The following DEFB119 variants were observed in gnomAD, a reference collection of about 807,000 sequenced individuals.
DEFB119 encodes beta-defensin 119.
Under a neutral mutation model 2.5 loss-of-function variants are expected in DEFB119, and 3 were observed. The ratio of observed to expected loss-of-function variants is 1.19; its 90% CI spans 0.54 to 3.07. The LOEUF (loss-of-function observed/expected upper bound fraction) is 3.07, where lower values mean the gene tolerates loss of function less well. DEFB119 is among the 30% of genes most tolerant of loss of function. The pLI is 0.03. For synonymous variants in DEFB119, 29 were observed against 33.7 expected (o/e 0.86, Z 0.48); for missense variants, 113 against 101.1 (o/e 1.12, Z -0.50).
chr20:31,389,066 T>G, intron 1 of DEFB119: 1 of 1,614,194 alleles, frequency 6.2e-7, no homozygotes, highest in East Asian at 2.2e-5. Flanking sequence ...GGAGCTGTTG[T>G]GGACATCTGA....
intron 1 of DEFB119, chr20:31,388,919 C>T: frequency 6.6e-7 from 1 of 1,522,964 alleles, no homozygotes. Context: ...ATCCCCCCAC[C>T]CTCAATCCAT....
chr20:31,388,354 G>T, intron 1 of DEFB119: 1 of 964,550 alleles, frequency 1.0e-6, no homozygotes, highest in Non-Finnish European at 1.2e-6. Context: ...CATCCTTACT[G>T]CAATCCTGAA....
chr20:31,388,931 T>C, intron 1 of DEFB119: 8 of 1,534,866 alleles, frequency 5.2e-6, no homozygotes, highest in Middle Eastern at 2.1e-4. Context: ...TCAATCCATT[T>C]GAAGTATCAT....
intron 1 of DEFB119, among the ~76,000 whole-genome samples, chr20:31,383,039 T>C (rs1986558540): frequency 6.6e-6 from 1 of 152,134 alleles, no homozygotes; most frequent in Non-Finnish European, 1.5e-5. Flanking sequence ...GAGAAAGAAA[T>C]GTTGAGTGCT....
intron 1 of DEFB119, among the ~76,000 whole-genome samples, chr20:31,382,253 AT>A (rs1392350016): frequency 2.0e-5 from 3 of 152,198 alleles, no homozygotes; most frequent in Non-Finnish European, 2.9e-5. Flanking sequence ...AAAAGTAAAA[AT>A]ATCAATAAAT....
intron 1 of DEFB119, chr20:31,388,032 T>C (rs1159613721): frequency 5.1e-6 from 5 of 985,052 alleles, no homozygotes; most frequent in African/African-American, 1.7e-5. Context: ...CTGGCCTCAC[T>C]GCAGAGGACG....
intron 1 of DEFB119, among the ~76,000 whole-genome samples, chr20:31,387,480 T>C (rs946948049): frequency 2.6e-5 from 4 of 152,160 alleles, no homozygotes; most frequent in African/African-American, 9.7e-5. Context: ...ATTTACGAGA[T>C]AGCCCTTCAT....
chr20:31,386,295 C>A (rs546976331), intron 1 of DEFB119, among the ~76,000 whole-genome samples: 7 of 152,220 alleles, frequency 4.6e-5, no homozygotes, highest in African/African-American at 1.7e-4. Context: ...CACCCCGGGC[C>A]TCGGGGCACA....
rs539118665 is a variant in DEFB119 at position 31,385,374 on chromosome 20, CAA to C, written c.61+5047_61+5048del. On this transcript the variant is annotated intron_variant, in intron 1 of 1. Coordinates refer to ENST00000376321, the MANE Select transcript of DEFB119 (RefSeq NM_153289.4). ...AAGAAACAAGACAAATAACAAAAGA[CAA>C]AAAAAAAAAAAAAAAACACAGTTTG... 6.4e-3 allele frequency among the ~76,000 whole-genome samples: 743 copies of C among 115,746 alleles called. 3 individuals are homozygous for C. Among genetic ancestry groups the C allele is most frequent in the African/African-American group, 0.018 (524 of 29,720 alleles). 75.9% of individuals were successfully genotyped at this position (115,746 alleles called of 152,430 possible).
At chr20:31,389,449 C>A (rs572778611) in intron 1 of DEFB119, among the ~76,000 whole-genome samples, 12 of 152,060 alleles carry the variant, frequency 7.9e-5, no homozygotes, top group Non-Finnish European at 1.5e-4. Context: ...TTTGGGAGAG[C>A]CTTTTTTGGA....
At chr20:31,390,385 G>A in intron 1 of DEFB119, 38 bp downstream of exon 1, 1 of 1,585,790 alleles carries the variant, frequency 6.3e-7, no homozygotes, top group Non-Finnish European at 8.6e-7. Flanking sequence ...GGAAGCCCAT[G>A]ACCAGGAACC....
chr20:31,388,848 C>T (rs1175076728), intron 1 of DEFB119: 3 of 1,146,064 alleles, frequency 2.6e-6, no homozygotes, highest in Admixed American at 2.5e-5. Flanking sequence ...GTAATGATCA[C>T]ACCATCGCTA....
intron 1 of DEFB119, among the ~76,000 whole-genome samples, chr20:31,378,582 G>T (rs1370898268): frequency 6.6e-6 from 1 of 152,150 alleles, no homozygotes; most frequent in Non-Finnish European, 1.5e-5. Context: ...TGTATCTATA[G>T]TTCATTCCTT....
chr20:31,390,464 A>G lies in DEFB119; in HGVS notation c.20T>C (p.Phe7Ser). ...TTCTATGGCCAGAAGGATGGCAAGAAACAGGTAAAGAAGTTTCATGGCTGG... is the reference window on the plus strand; with the variant it reads ...TTCTATGGCCAGAAGGATGGCAAGAGACAGGTAAAGAAGTTTCATGGCTGG... MKLLYLFLAILLAIEEP... is the reference protein window; with the variant it reads MKLLYLSLAILLAIEEP... Residue 7 changes from phenylalanine to serine, a missense_variant, in exon 1 of 2, where the codon TTT becomes TCT. Transcript: ENST00000376321. 6.2e-7 allele frequency: 1 copy of G among 1,613,200 alleles called. No individual in the cohort carries two copies. Among genetic ancestry groups the G allele is most frequent in the Non-Finnish European group, 8.5e-7 (1 of 1,179,706 alleles).
At chr20:31,379,360 G>A (rs1484651360) in intron 1 of DEFB119, among the ~76,000 whole-genome samples, 1 of 152,140 alleles carries the variant, frequency 6.6e-6, no homozygotes, top group Admixed American at 6.6e-5. Flanking sequence ...TCTCATTCTA[G>A]TCTTTATATG....
chr20:31,386,387 T>TGTGAAAAGATTATGCAGCCCCC (rs1317042541), intron 1 of DEFB119, among the ~76,000 whole-genome samples: 1 of 152,126 alleles, frequency 6.6e-6, no homozygotes, highest in East Asian at 1.9e-4. Context: ...CTCCTGCCTC[T>TGTGAAAAGATTATGCAGCCCCC]GAAGTGGGCT....
intron 1 of DEFB119, chr20:31,389,246 AC>A: frequency 1.2e-6 from 2 of 1,614,074 alleles, no homozygotes; most frequent in Non-Finnish European, 1.7e-6. Context: ...GGGCATATGA[AC>A]AACAATTAAG....
At chr20:31,385,682 C>T (rs1029105385) in intron 1 of DEFB119, among the ~76,000 whole-genome samples, 4 of 152,048 alleles carry the variant, frequency 2.6e-5, no homozygotes, top group African/African-American at 7.2e-5. Context: ...GACTGGGCAA[C>T]ATAGTAAGAC....
rs762439231 is a variant in DEFB119, at chr20:31,378,403, G to A, written c.62-964C>T. Reference sequence around the variant, plus strand: ...TGTCCTCACCAGAGCTGTATCAGAGGAGACAAGCCAACAAAGATCATTGAA... The same window carrying A: ...TGTCCTCACCAGAGCTGTATCAGAGAAGACAAGCCAACAAAGATCATTGAA... On this transcript the variant is annotated intron_variant, in intron 1 of 1. Transcript: ENST00000376321. The A allele has an allele frequency of 3.1e-6, 5 of 1,613,878 alleles. No individual in the cohort carries two copies. The East Asian group carries it at 6.7e-5, about 22-fold the overall frequency.
Sources: allele counts gnomAD v4.1 joint callset (sites outside exome capture counted in the v4.1 genomes callset), GRCh38; gene constraint gnomAD v4.1.1; transcripts MANE v1.5; gene names NCBI Gene and HGNC (gene_info 2026-07-23, HGNC 2026-07-21).